ALDH3B1: variants seen among roughly 807,000 people sequenced by gnomAD.
ALDH3B1 encodes the protein aldehyde dehydrogenase 3 family member B1, also known as aldehyde dehydrogenase family 3 member B1.
In ALDH3B1, 37 loss-of-function variants were observed where a neutral mutation model predicts 46.2. The ratio of observed to expected loss-of-function variants is 0.80; its 90% CI spans 0.62 to 1.05. The LOEUF is 1.05. Ranked by LOEUF, ALDH3B1 falls within the 50% of genes least tolerant of loss-of-function variation. The probability of loss-of-function intolerance (pLI) is 0.00; values close to 1 mark genes in which losing one functional copy is unlikely to be tolerated. For synonymous variants in ALDH3B1, 283 were observed against 281.0 expected, an observed-to-expected ratio of 1.01 and a Z score of -0.07; for missense variants, 603 against 665.5, an observed-to-expected ratio of 0.91 and a Z score of 1.03.
At position 68,028,284 on chromosome 11, in the gene ALDH3B1, A is replaced by G. The variant is rs367832472; in HGVS notation, c.*345A>G. On this transcript the variant is annotated 3_prime_UTR_variant, in exon 10 of 10. Coordinates refer to ENST00000342456, the MANE Select transcript of ALDH3B1 (RefSeq NM_000694.4). Reference sequence around the variant, plus strand: ...GAGCGGGCGTCCGAGGGGCCCTGGCATCTGACTCAGGCCACACCATGGAAT... The same window carrying G: ...GAGCGGGCGTCCGAGGGGCCCTGGCGTCTGACTCAGGCCACACCATGGAAT... 1.0e-3 allele frequency: 452 copies of G among 450,176 alleles called. No individual in the cohort carries two copies. Among genetic ancestry groups the G allele is most frequent in the African/African-American group, 5.6e-3 (286 of 50,698 alleles). The allele number at this position is 450,176 out of a possible 1,614,324, so 27.9% of individuals were successfully genotyped here. A position where few individuals can be genotyped will look rare whatever the true frequency, so the allele number is the denominator to read the frequency against.
At chr11:68,020,503 G>A (rs1220605608) in intron 6 of ALDH3B1, among the ~76,000 whole-genome samples, 1 of 152,196 alleles carries the variant, frequency 6.6e-6, no homozygotes, top group Non-Finnish European at 1.5e-5. Flanking sequence ...CTAAAGTGCA[G>A]GGATCACAGG....
rs751776553 is a variant in ALDH3B1, at chr11:68,027,982, C to T, written c.*43C>T. 1.4e-5 allele frequency: 22 copies of T among 1,558,886 alleles called. No homozygotes were observed. The highest frequency in any genetic ancestry group is 1.2e-4 in the East Asian group (5 of 42,414). ...GGCTGTAGACCACCATGACAGCTGT[C>T]GCCTGCGGCTGGTGGAGACGGGGCC... On this transcript the variant is annotated 3_prime_UTR_variant, in exon 10 of 10. Transcript: ENST00000342456.
chr11:68,028,037 T>G lies in ALDH3B1; in HGVS notation c.*98T>G. ...CTCCCGGGCCCGAGGAGGAAAAGGA[T>G]TGCCAAGGCTCCAGGGCACCCCTCA... On this transcript the variant is annotated 3_prime_UTR_variant, in exon 10 of 10. Coordinates refer to ENST00000342456, the MANE Select transcript of ALDH3B1 (RefSeq NM_000694.4). 1 of 1,488,840 alleles carries G rather than the reference T, an allele frequency of 6.7e-7. No individual in the cohort carries two copies. The highest frequency in any genetic ancestry group is 1.1e-5 in the South Asian group (1 of 87,714). The allele number at this position is 1,488,840 out of a possible 1,614,324, so 92.2% of individuals were successfully genotyped here.
chr11:68,024,848 A>T (rs529452603), intron 8 of ALDH3B1: 1 of 152,328 alleles, frequency 6.6e-6, no homozygotes, highest in Non-Finnish European at 1.5e-5. Flanking sequence ...ATTTGACTCC[A>T]GGGGCTGTAA....
chr11:68,025,877 A>G (rs766804355), intron 8 of ALDH3B1, 132 bp from the exon 9 acceptor site: 8 of 554,686 alleles, frequency 1.4e-5, no homozygotes, highest in Non-Finnish European at 2.4e-5. Flanking sequence ...CAGGCCCTTC[A>G]GCTGACATGG....
At chr11:68,025,893 T>A (rs1857610195) in intron 8 of ALDH3B1, 116 bp from the exon 9 acceptor site, 1 of 696,180 alleles carries the variant, frequency 1.4e-6, no homozygotes, top group Non-Finnish European at 2.2e-6. Context: ...CATGGTGGCC[T>A]CAGACCCTTT....
intron 2 of ALDH3B1, chr11:68,018,281 G>A (rs1176541335): frequency 3.9e-5 from 21 of 533,576 alleles, no homozygotes; most frequent in South Asian, 8.8e-5. Context: ...TAATGGAGCC[G>A]TCAGCGTTCT....
rs376190333 is a variant in ALDH3B1, at chr11:68,027,878, G to C, written c.1346G>C (p.Arg449Pro). 1.3e-6 allele frequency: 2 copies of C among 1,563,374 alleles called. No individual in the cohort carries two copies. Among genetic ancestry groups the C allele is most frequent in the Non-Finnish European group, 8.7e-7 (1 of 1,155,876 alleles). Residue 449 changes from arginine (R) to proline (P), a missense_variant, in exon 10 of 10, where the codon CGC becomes CCC. Physicochemically the swap from Arg to Pro is moderately radical, Grantham distance 103. Coordinates refer to ENST00000342456, the MANE Select transcript of ALDH3B1 (RefSeq NM_000694.4). The part of the protein sequence containing the change: ...NALRYPPQSP[R>P]RLRMLLVAME... ...CTCCGCTACCCGCCGCAATCGCCGC[G>C]CCGCCTGAGGATGCTGCTGGTGGCC...
intron 2 of ALDH3B1, 178 bp from the exon 3 acceptor site, chr11:68,018,349 T>C (rs979593825): frequency 1.7e-6 from 1 of 598,236 alleles, no homozygotes; most frequent in Non-Finnish European, 2.9e-6. Flanking sequence ...GGTCCCTCTG[T>C]TTGGCACAGA....
rs757648022 is a variant in ALDH3B1 at position 68,015,339 on chromosome 11, C to A, written c.42C>A (p.Ala14=). Residue 14 remains alanine (A), a synonymous_variant, in exon 2 of 10, where the codon GCC becomes GCA. Transcript: ENST00000342456. ...LGDTLRRLRE[A]FHAGRTRPAE... ...ACACGCTGCGGCGACTGCGGGAGGC[C>A]TTCCACGCGGGGCGCACGCGGCCAG... The A allele has an allele frequency of 6.5e-7, 1 of 1,531,462 alleles. No homozygotes were observed. Among genetic ancestry groups the A allele is most frequent in the South Asian group, 1.2e-5 (1 of 81,604 alleles). 94.9% of individuals were successfully genotyped at this position (1,531,462 alleles called of 1,614,324 possible).
At position 68,021,822 on chromosome 11, in the gene ALDH3B1, C is replaced by T. The variant is rs543365099; in HGVS notation, c.900C>T (p.Cys300=). 2.7e-5 allele frequency: 44 copies of T among 1,613,952 alleles called. No homozygotes were observed. The highest frequency in any genetic ancestry group is 8.8e-5 in the South Asian group (8 of 91,064). The change falls in exon 7 of 10, where the codon TGC becomes TGT. Residue 300 remains cysteine (C), a synonymous_variant. Transcript: ENST00000342456. ...QFQRLRALLG[C]GRVAIGGQSD... ...AGCGGCTGCGGGCATTGCTGGGCTG[C>T]GGCCGTGTGGCCATTGGGGGCCAGA...
intron 8 of ALDH3B1, 111 bp downstream of exon 8, chr11:68,022,872 A>T (rs3764816): frequency 0.23 from 336,613 of 1,459,074 alleles, 39,803 homozygotes; most frequent in African/African-American, 0.3. Flanking sequence ...GGGATGGTGG[A>T]CCTCTTGGCT....
At chr11:68,014,958 G>GCT (rs1857310547) in intron 1 of ALDH3B1, 2 of 269,606 alleles carry the variant, frequency 7.4e-6, no homozygotes, top group Non-Finnish European at 1.4e-5. Flanking sequence ...GAAGCATGGC[G>GCT]CTCTGCCTGC....
At position 68,019,727 on chromosome 11, in the gene ALDH3B1, G is replaced by A. The variant is rs962762491; in HGVS notation, c.493G>A (p.Val165Met). The change falls in exon 6 of 10, where the codon GTG becomes ATG. Residue 165 changes from valine (V) to methionine (M), a missense_variant. Physicochemically the swap from Val to Met is conservative, Grantham distance 21. Transcript: ENST00000342456. ...PQYVDQSCFAVVLGGPQETGQ... is the reference protein window; with the variant it reads ...PQYVDQSCFAMVLGGPQETGQ... ...TCCCGCCTTGCAGAGCTGCTTTGCT[G>A]TGGTGCTGGGCGGGCCCCAGGAGAC... The A allele has an allele frequency of 1.3e-5, 21 of 1,614,026 alleles. No individual in the cohort carries two copies. The highest frequency in any genetic ancestry group is 1.6e-5 in the Non-Finnish European group (19 of 1,179,984).
chr11:68,027,873 G>A lies in ALDH3B1; in HGVS notation c.1341G>A (p.Ser447=), dbSNP rs758506583. The A allele has an allele frequency of 1.3e-5, 21 of 1,562,614 alleles. No individual in the cohort carries two copies. The highest frequency in any genetic ancestry group is 1.6e-5 in the Non-Finnish European group (18 of 1,155,246). ...KLNALRYPPQ[S]PRRLRMLLVA... Reference sequence around the variant, plus strand: ...ACGCCCTCCGCTACCCGCCGCAATCGCCGCGCCGCCTGAGGATGCTGCTGG... The same window carrying A: ...ACGCCCTCCGCTACCCGCCGCAATCACCGCGCCGCCTGAGGATGCTGCTGG... The change falls in exon 10 of 10, where the codon TCG becomes TCA. Residue 447 remains serine (S), a synonymous_variant. Coordinates refer to ENST00000342456, the MANE Select transcript of ALDH3B1 (RefSeq NM_000694.4).
intron 1 of ALDH3B1, among the ~76,000 whole-genome samples, chr11:68,013,426 G>T (rs1219016130): frequency 6.6e-6 from 1 of 152,204 alleles, no homozygotes; most frequent in Admixed American, 6.5e-5. Context: ...CTTACAAAGG[G>T]TGAGAGAGGC....
Position 68,027,907 on chromosome 11 carries a change from G to T in ALDH3B1, c.1375G>T (p.Glu459Ter), listed in dbSNP as rs1272264382. The change falls in exon 10 of 10, where the codon GAG becomes TAG. Residue 459 changes from glutamate to a stop codon, truncating the protein, a stop_gained. Coordinates refer to ENST00000342456, the MANE Select transcript of ALDH3B1 (RefSeq NM_000694.4). LOFTEE classifies it high-confidence loss of function. The stretch of plus-strand genomic sequence containing the variant: ...CCTGAGGATGCTGCTGGTGGCCATG[G>T]AGGCCCAAGGCTGCAGCTGCACACT... ...RRLRMLLVAM[E>*]AQGCSCTLL is the part of the protein sequence containing the mutation. 6.4e-7 allele frequency: 1 copy of T among 1,559,294 alleles called. No individual in the cohort carries two copies.
At chr11:68,012,560 G>A (rs1250997957) in intron 1 of ALDH3B1, among the ~76,000 whole-genome samples, 2 of 152,224 alleles carry the variant, frequency 1.3e-5, no homozygotes, top group Admixed American at 6.5e-5. Flanking sequence ...TGGCTCAGCC[G>A]CAGGAGGCAA....
At chr11:68,026,232 C>T (rs1427572036) in intron 9 of ALDH3B1, 124 bp downstream of exon 9, 2 of 808,184 alleles carry the variant, frequency 2.5e-6, no homozygotes, top group Non-Finnish European at 3.7e-6. Context: ...AAGGAGGCCT[C>T]ACCCCAGAAC....
Sources: allele counts gnomAD v4.1 joint callset (sites outside exome capture counted in the v4.1 genomes callset), GRCh38; gene constraint gnomAD v4.1.1; transcripts MANE v1.5; gene names NCBI Gene and HGNC (gene_info 2026-07-23, HGNC 2026-07-21).